The following DPP10 variants were observed in gnomAD, a reference collection of about 807,000 sequenced individuals.
DPP10 encodes dipeptidyl peptidase like 10.
In DPP10, 33 loss-of-function variants were observed where a neutral mutation model predicts 120.9. The observed-to-expected ratio is 0.27, with a 90% CI of 0.21 to 0.37. The LOEUF is 0.37. DPP10 is among the 10% of genes least tolerant of loss of function. The pLI, the probability that DPP10 is intolerant of heterozygous loss-of-function variation, is 1.00. For synonymous variants in DPP10, 337 were observed against 326.1 expected (o/e 1.03, Z -0.36); for missense variants, 816 against 942.8 (o/e 0.87, Z 1.76).
chr2:114,874,425 C>G (rs967934875), intron 1 of DPP10, among the ~76,000 whole-genome samples: 1 of 152,028 alleles, frequency 6.6e-6, no homozygotes, highest in African/African-American at 2.4e-5. Flanking sequence ...CTTGGTGAAG[C>G]AGGGTTTTCT....
At chr2:114,598,321 C>G (rs957030810) in intron 1 of DPP10, among the ~76,000 whole-genome samples, 1 of 151,782 alleles carries the variant, frequency 6.6e-6, no homozygotes, top group African/African-American at 2.4e-5. Context: ...ATGTAATGAT[C>G]AAACTGTGCC....
chr2:114,772,199 C>A (rs577880459), intron 1 of DPP10, among the ~76,000 whole-genome samples: 1 of 151,786 alleles, frequency 6.6e-6, no homozygotes, highest in African/African-American at 2.4e-5. Context: ...ACTGTGTTTT[C>A]CAGGCTGGAG....
At chr2:114,944,881 C>G (rs1426111351) in intron 1 of DPP10, among the ~76,000 whole-genome samples, 1 of 151,854 alleles carries the variant, frequency 6.6e-6, no homozygotes, top group African/African-American at 2.4e-5. Flanking sequence ...AAAAATGTCC[C>G]CAAGAATAGA....
chr2:114,618,034 A>T (rs1693806411), intron 1 of DPP10, among the ~76,000 whole-genome samples: 1 of 152,056 alleles, frequency 6.6e-6, no homozygotes, highest in Non-Finnish European at 1.5e-5. Context: ...TGTGTGTTTA[A>T]ATACCAAATG....
chr2:114,668,443 T>C (rs1698092112), intron 1 of DPP10, among the ~76,000 whole-genome samples: 1 of 152,152 alleles, frequency 6.6e-6, no homozygotes, highest in Admixed American at 6.5e-5. Context: ...GGAGGAAGGA[T>C]TTTTGCCTTC....
chr2:115,124,196 A>G (rs945003762), intron 1 of DPP10, among the ~76,000 whole-genome samples: 2 of 152,086 alleles, frequency 1.3e-5, no homozygotes, highest in African/African-American at 4.8e-5. Context: ...TCCTGCCTCC[A>G]TCTCCCAAAG....
intron 1 of DPP10, among the ~76,000 whole-genome samples, chr2:114,620,430 A>C (rs1378283585): frequency 6.6e-6 from 1 of 152,012 alleles, no homozygotes; most frequent in Non-Finnish European, 1.5e-5. Context: ...TCATTTTACT[A>C]TTCAGAACAT....
chr2:115,386,727 G>C (rs1304223834), intron 3 of DPP10, among the ~76,000 whole-genome samples: 1 of 152,052 alleles, frequency 6.6e-6, no homozygotes, highest in Non-Finnish European at 1.5e-5. Flanking sequence ...CAAAGAGGAA[G>C]GACAGAGGTT....
intron 2 of DPP10, among the ~76,000 whole-genome samples, chr2:115,316,636 G>A (rs1383515694): frequency 6.6e-6 from 1 of 152,032 alleles, no homozygotes; most frequent in Non-Finnish European, 1.5e-5. Flanking sequence ...TAAAATATAA[G>A]TTCATATTTT....
At chr2:115,816,719 C>A (rs1387908414) in intron 21 of DPP10, among the ~76,000 whole-genome samples, 1 of 149,378 alleles carries the variant, frequency 6.7e-6, no homozygotes, top group Admixed American at 6.6e-5. Flanking sequence ...CAGGTTCAAG[C>A]GATTCTCCTG....
chr2:115,590,421 G>A (rs901931450), intron 5 of DPP10, among the ~76,000 whole-genome samples: 4 of 152,014 alleles, frequency 2.6e-5, no homozygotes, highest in Admixed American at 6.6e-5. Flanking sequence ...TGCGGTGTTT[G>A]GTTTTCTGTC....
intron 1 of DPP10, among the ~76,000 whole-genome samples, chr2:114,809,834 T>A (rs2106317681): frequency 6.6e-6 from 1 of 152,312 alleles, no homozygotes; most frequent in East Asian, 1.9e-4. Flanking sequence ...ATGCAGATGC[T>A]GGTGGTCTGA....
chr2:115,144,275 C>T (rs2051093821), intron 1 of DPP10: 1 of 152,102 alleles, frequency 6.6e-6, no homozygotes, highest in African/African-American at 2.4e-5. Flanking sequence ...TATTCTGACC[C>T]ATGCTTCCCT....
At chr2:114,466,945 A>G (rs1480267470) in intron 1 of DPP10, among the ~76,000 whole-genome samples, 2 of 151,816 alleles carry the variant, frequency 1.3e-5, no homozygotes, top group African/African-American at 4.8e-5. Context: ...CTACTCCGGA[A>G]GCACAAAAAT....
At chr2:114,897,886 T>C (rs1574442859) in intron 1 of DPP10, among the ~76,000 whole-genome samples, 1 of 151,888 alleles carries the variant, frequency 6.6e-6, no homozygotes, top group East Asian at 1.9e-4. Context: ...AGGAACACTT[T>C]TACACTGTTG....
intron 1 of DPP10, among the ~76,000 whole-genome samples, chr2:115,280,598 GTGT>G (rs1399137063): frequency 3.9e-5 from 6 of 152,304 alleles, no homozygotes; most frequent in Admixed American, 1.3e-4. Context: ...GATGTCATAT[GTGT>G]TGTTATATTT....
intron 1 of DPP10, among the ~76,000 whole-genome samples, chr2:114,881,457 GTCTATCTATCTA>G (rs56811813): frequency 1.0e-4 from 15 of 144,204 alleles, no homozygotes; most frequent in African/African-American, 3.7e-4. Context: ...CTGTCTGTCT[GTCTATCTATCTA>G]TCTATCTATC....
intron 5 of DPP10, among the ~76,000 whole-genome samples, chr2:115,634,021 T>G (rs2086113814): frequency 6.6e-6 from 1 of 152,214 alleles, no homozygotes; most frequent in Admixed American, 6.5e-5. Flanking sequence ...CTTCCTGTTT[T>G]ATTTCAGCAA....
intron 1 of DPP10, among the ~76,000 whole-genome samples, chr2:114,935,696 G>A (rs1364313455): frequency 6.6e-6 from 1 of 152,012 alleles, no homozygotes; most frequent in East Asian, 1.9e-4. Flanking sequence ...GTGTGTGTGT[G>A]TTCAGGTCCC....
Sources: gnomAD v4.1 joint callset for allele counts (sites outside exome capture counted in the v4.1 genomes callset) on GRCh38, gnomAD v4.1.1 for gene constraint, MANE v1.5 for transcripts, NCBI Gene and HGNC (gene_info 2026-07-23, HGNC 2026-07-21) for gene names.